Variants in CADPS2 observed in about 807,000 individuals in gnomAD.
CADPS2 encodes calcium-dependent secretion activator 2.
A neutral mutation model predicts 172.5 loss-of-function variants in CADPS2; 93 were observed. That is an observed-to-expected ratio of 0.54 (90% CI 0.46 to 0.64). The LOEUF is 0.64. Among genes scored for constraint, CADPS2 ranks in the 30% least tolerant of loss-of-function variants. The pLI, the probability that CADPS2 is intolerant of heterozygous loss-of-function variation, is 0.00. For synonymous variants in CADPS2, 546 were observed against 555.2 expected (o/e 0.98, Z 0.23); for missense variants, 1,420 against 1,565.9 (o/e 0.91, Z 1.57).
At chr7:122,578,466 A>G (rs907037286) in intron 7 of CADPS2, among the ~76,000 whole-genome samples, 3 of 152,126 alleles carry the variant, frequency 2.0e-5, no homozygotes, top group Non-Finnish European at 4.4e-5. Context: ...GTTCATGTAG[A>G]TCAGGGATTC....
chr7:122,812,421 AAG>A (rs1215740976), intron 1 of CADPS2, among the ~76,000 whole-genome samples: 57 of 145,580 alleles, frequency 3.9e-4, no homozygotes, highest in African/African-American at 6.0e-4. Flanking sequence ...AAAAAAAAAA[AAG>A]AGAGAGAGAG....
At chr7:122,763,355 A>C (rs1344449495) in intron 1 of CADPS2, among the ~76,000 whole-genome samples, 1 of 152,200 alleles carries the variant, frequency 6.6e-6, no homozygotes, top group African/African-American at 2.4e-5. Context: ...GAGAGTGCTG[A>C]ATCCTACTCC....
intron 1 of CADPS2, among the ~76,000 whole-genome samples, chr7:122,870,027 G>T (rs771054105): frequency 3.3e-5 from 5 of 151,798 alleles, no homozygotes; most frequent in Non-Finnish European, 7.4e-5. Flanking sequence ...CACAGCAAAA[G>T]AAGAGAGGAA....
At chr7:122,630,317 A>T (rs1326174721) in intron 3 of CADPS2, among the ~76,000 whole-genome samples, 1 of 152,098 alleles carries the variant, frequency 6.6e-6, no homozygotes, top group African/African-American at 2.4e-5. Context: ...CCTCAAAAAG[A>T]TGAGTAGAAG....
At chr7:122,659,994 A>T (rs2080340070) in intron 3 of CADPS2, among the ~76,000 whole-genome samples, 1 of 152,232 alleles carries the variant, frequency 6.6e-6, no homozygotes, top group Non-Finnish European at 1.5e-5. Flanking sequence ...GGCCTACAAG[A>T]CATGATAAAA....
chr7:122,739,915 C>T (rs17144773), intron 1 of CADPS2, among the ~76,000 whole-genome samples: 2,208 of 152,110 alleles, frequency 0.015, 50 homozygotes, highest in African/African-American at 0.051. Context: ...CTATAAAACA[C>T]CTATATAGCA....
chr7:122,827,696 TA>T (rs1490570761), intron 1 of CADPS2, among the ~76,000 whole-genome samples: 1 of 151,234 alleles, frequency 6.6e-6, no homozygotes, highest in Non-Finnish European at 1.5e-5. Flanking sequence ...TTTTCCAGGA[TA>T]AAAGGTAGGA....
intron 9 of CADPS2, among the ~76,000 whole-genome samples, chr7:122,503,392 T>C (rs2059374515): frequency 6.6e-6 from 1 of 151,976 alleles, no homozygotes; most frequent in Admixed American, 6.6e-5. Flanking sequence ...TAGATTCTAT[T>C]GAACACGTTA....
chr7:122,321,707 T>C (rs2032573346), intron 29 of CADPS2, among the ~76,000 whole-genome samples: 1 of 152,100 alleles, frequency 6.6e-6, no homozygotes, highest in South Asian at 2.1e-4. Context: ...CTCAAACTCC[T>C]GAACTCAGGT....
At chr7:122,583,674 T>C (rs2069176348) in intron 6 of CADPS2, among the ~76,000 whole-genome samples, 1 of 151,082 alleles carries the variant, frequency 6.6e-6, no homozygotes. Context: ...ATATTGTACG[T>C]GTGTATATAC....
At chr7:122,809,169 T>G (rs886294616) in intron 1 of CADPS2, among the ~76,000 whole-genome samples, 3 of 152,118 alleles carry the variant, frequency 2.0e-5, no homozygotes, top group Admixed American at 1.3e-4. Flanking sequence ...AATACCAAAA[T>G]GGCAAAGTTA....
chr7:122,852,138 C>T (rs1157357385), intron 1 of CADPS2, among the ~76,000 whole-genome samples: 1 of 152,126 alleles, frequency 6.6e-6, no homozygotes, highest in Admixed American at 6.5e-5. Flanking sequence ...TTTGGAAAGA[C>T]TCACTAAAAG....
In CADPS2 at chr7:122,407,527, C is replaced by T. The variant is rs369833260; in HGVS notation, c.2746+13G>A. ...TCCCCATTTCACATATGAAAGAAAACGCAAATGCTCACTGTCATTTCGGAG... is the reference window on the plus strand; with the variant it reads ...TCCCCATTTCACATATGAAAGAAAATGCAAATGCTCACTGTCATTTCGGAG... On this transcript the variant is annotated intron_variant, in intron 20 of 29. Transcript: ENST00000449022. 27 of 1,599,550 alleles carry T rather than the reference C, an allele frequency of 1.7e-5. No homozygotes were observed. In the African/African-American group the frequency reaches 2.0e-4, roughly 12 times the overall value.
intron 2 of CADPS2, among the ~76,000 whole-genome samples, chr7:122,728,339 A>G (rs914302973): frequency 6.6e-6 from 1 of 151,904 alleles, no homozygotes; most frequent in Admixed American, 6.6e-5. Flanking sequence ...AACAACTGCA[A>G]TTATTTTTAA....
At chr7:122,708,675 G>C (rs996232971) in intron 2 of CADPS2, among the ~76,000 whole-genome samples, 1 of 150,920 alleles carries the variant, frequency 6.6e-6, no homozygotes, top group Non-Finnish European at 1.5e-5. Flanking sequence ...AAATTGTAAT[G>C]GGCATAAATA....
intron 4 of CADPS2, among the ~76,000 whole-genome samples, chr7:122,623,331 TA>T (rs112085042): frequency 2.0e-3 from 300 of 152,238 alleles, no homozygotes; most frequent in African/African-American, 6.8e-3. Flanking sequence ...AAACATATTT[TA>T]CGTTTTTGGA....
At chr7:122,388,414 A>G (rs998703008) in intron 23 of CADPS2, among the ~76,000 whole-genome samples, 169 bp downstream of exon 23, 8 of 152,120 alleles carry the variant, frequency 5.3e-5, no homozygotes, top group Non-Finnish European at 7.4e-5. Context: ...AATTTCATCA[A>G]TTACATGGGT....
chr7:122,658,296 T>G (rs1172581477), intron 3 of CADPS2, among the ~76,000 whole-genome samples: 1 of 152,230 alleles, frequency 6.6e-6, no homozygotes, highest in South Asian at 2.1e-4. Context: ...TTGGTGGGAC[T>G]GTAAACTAGT....
intron 25 of CADPS2, among the ~76,000 whole-genome samples, chr7:122,363,310 C>A (rs1433731570): frequency 6.6e-6 from 1 of 152,164 alleles, no homozygotes; most frequent in African/African-American, 2.4e-5. Context: ...GCGGCAATTG[C>A]TATGGTTACT....
Sources: gnomAD v4.1 joint callset for allele counts (sites outside exome capture counted in the v4.1 genomes callset) on GRCh38, gnomAD v4.1.1 for gene constraint, MANE v1.5 for transcripts, NCBI Gene and HGNC (gene_info 2026-07-23, HGNC 2026-07-21) for gene names.